Variants in TMEM170B observed in about 807,000 individuals in gnomAD.
TMEM170B encodes the protein transmembrane protein 170B.
A neutral mutation model predicts 13.0 loss-of-function variants in TMEM170B; 6 were observed. That is an observed-to-expected ratio of 0.46 (90% CI 0.25 to 0.91). TMEM170B has a LOEUF of 0.91. TMEM170B is among the 40% of genes least tolerant of loss of function. TMEM170B has a pLI of 0.17. For missense variants in TMEM170B, 138 were observed against 165.2 expected, an observed-to-expected ratio of 0.84 and a Z score of 0.90; for synonymous variants, 61 against 64.9, an observed-to-expected ratio of 0.94 and a Z score of 0.29.
rs1387793184 is a variant in TMEM170B, at chr6:11,578,721, A to G, written c.*3160A>G. On this transcript the variant is annotated 3_prime_UTR_variant, in exon 3 of 3. Coordinates refer to ENST00000379426, the MANE Select transcript of TMEM170B (RefSeq NM_001100829.3). ...CCCAATATACTTTCTTAGTATTTGC[A>G]GCATACATTTCACTGCTCAAAAAAG... The G allele has an allele frequency of 6.6e-6, 1 of 152,206 alleles. No individual in the cohort carries two copies. The highest frequency in any genetic ancestry group is 6.5e-5 in the Admixed American group (1 of 15,280). The allele number at this position is 152,206 out of a possible 1,614,324, so 9.4% of individuals were successfully genotyped here.
Position 11,579,578 on chromosome 6 carries a change from C to T in TMEM170B, c.*4017C>T, listed in dbSNP as rs564032279. 6.6e-6 allele frequency: 1 copy of T among 152,252 alleles called. No homozygotes were observed. Among genetic ancestry groups the T allele is most frequent in the African/African-American group, 2.4e-5 (1 of 41,552 alleles). 9.4% of individuals were successfully genotyped at this position (152,252 alleles called of 1,614,324 possible). A position where few individuals can be genotyped will look rare whatever the true frequency, so the allele number is the denominator to read the frequency against. ...GAAACTAAAAACGTTTTCTTATAAT[C>T]TTGCTTCATCTCCTTTTCACTTTTT... On this transcript the variant is annotated 3_prime_UTR_variant, in exon 3 of 3. Transcript: ENST00000379426.
chr6:11,571,586 C>T (rs535729237), intron 2 of TMEM170B, among the ~76,000 whole-genome samples: 11 of 151,808 alleles, frequency 7.2e-5, no homozygotes, highest in East Asian at 1.9e-4. Context: ...GTGGCAGATC[C>T]GCATGCGTTA....
chr6:11,557,361 A>G (rs138274604), intron 1 of TMEM170B, among the ~76,000 whole-genome samples: 315 of 152,356 alleles, frequency 2.1e-3, no homozygotes, highest in African/African-American at 7.0e-3. Flanking sequence ...TGCATTTAGG[A>G]AAAAATTGGG....
chr6:11,549,871 A>G (rs1759500870), intron 1 of TMEM170B, among the ~76,000 whole-genome samples: 1 of 152,168 alleles, frequency 6.6e-6, no homozygotes, highest in Non-Finnish European at 1.5e-5. Context: ...TTGTTGTAGT[A>G]GGACTTGAAA....
chr6:11,540,457 A>G (rs907083471), intron 1 of TMEM170B, among the ~76,000 whole-genome samples: 1 of 152,232 alleles, frequency 6.6e-6, no homozygotes, highest in African/African-American at 2.4e-5. Flanking sequence ...CTCATCCATA[A>G]GAAGCAACTC....
intron 1 of TMEM170B, among the ~76,000 whole-genome samples, chr6:11,545,581 C>G (rs1258237261): frequency 6.6e-6 from 1 of 152,040 alleles, no homozygotes; most frequent in African/African-American, 2.4e-5. Context: ...TATGGTGATG[C>G]TGGTGTCAAC....
chr6:11,544,970 T>C (rs1759413493), intron 1 of TMEM170B, among the ~76,000 whole-genome samples: 2 of 152,338 alleles, frequency 1.3e-5, no homozygotes, highest in South Asian at 4.1e-4. Flanking sequence ...GGCTTTACTT[T>C]TATTTTCTTT....
intron 2 of TMEM170B, among the ~76,000 whole-genome samples, chr6:11,570,728 T>C (rs1302212765): frequency 6.6e-6 from 1 of 152,136 alleles, no homozygotes; most frequent in African/African-American, 2.4e-5. Context: ...GAATAAAAGC[T>C]GTGCACAGCT....
rs1482349278 is a variant in TMEM170B, at chr6:11,580,673, A to AT, written c.*5113dup. The stretch of plus-strand genomic sequence containing the variant: ...TCTTTCTTAACTTCCCGTCCTTGTT[A>AT]TAACATCTTGGAAGAAGACTCTTCA... On this transcript the variant is annotated 3_prime_UTR_variant, in exon 3 of 3. Transcript: ENST00000379426. 6.6e-6 allele frequency: 1 copy of AT among 152,258 alleles called. No homozygotes were observed. Among genetic ancestry groups the AT allele is most frequent in the Non-Finnish European group, 1.5e-5 (1 of 68,034 alleles). The allele number at this position is 152,258 out of a possible 1,614,324, so 9.4% of individuals were successfully genotyped here.
Position 11,576,051 on chromosome 6 carries a change from T to C in TMEM170B, c.*490T>C, listed in dbSNP as rs1759870080. The C allele has an allele frequency of 6.5e-6, 1 of 153,048 alleles. No homozygotes were observed. Among genetic ancestry groups the C allele is most frequent in the Non-Finnish European group, 1.5e-5 (1 of 68,536 alleles). 9.5% of individuals were successfully genotyped at this position (153,048 alleles called of 1,614,324 possible). On this transcript the variant is annotated 3_prime_UTR_variant, in exon 3 of 3. Coordinates refer to ENST00000379426, the MANE Select transcript of TMEM170B (RefSeq NM_001100829.3). ...TTGTTCGGTAACACTAAATCCCGTATGAGTGCTAAATACTGAATTGTTTAA... is the reference window on the plus strand; with the variant it reads ...TTGTTCGGTAACACTAAATCCCGTACGAGTGCTAAATACTGAATTGTTTAA...
At chr6:11,564,586 T>TC (rs1402361157) in intron 1 of TMEM170B, among the ~76,000 whole-genome samples, 9 of 152,342 alleles carry the variant, frequency 5.9e-5, no homozygotes, top group Admixed American at 1.3e-4. Context: ...AGAATCCTTA[T>TC]CTGAATAGTT....
In TMEM170B at chr6:11,544,052, C is replaced by T. The variant is rs540977807; in HGVS notation, c.97+5678C>T. Reference sequence around the variant, plus strand: ...AAATATCACTCCATCAGTGAAGTGACATGGCTGAGATCAGTTATTTAATGA... The same window carrying T: ...AAATATCACTCCATCAGTGAAGTGATATGGCTGAGATCAGTTATTTAATGA... On this transcript the variant is annotated intron_variant, in intron 1 of 2. Coordinates refer to ENST00000379426, the MANE Select transcript of TMEM170B (RefSeq NM_001100829.3). Among the ~76,000 whole-genome samples, 255 of 152,278 alleles carry T rather than the reference C, an allele frequency of 1.7e-3. 3 individuals are homozygous for T. Among genetic ancestry groups the T allele is most frequent in the Admixed American group, 3.1e-3 (48 of 15,288 alleles).
At chr6:11,552,041 C>G (rs1042651636) in intron 1 of TMEM170B, among the ~76,000 whole-genome samples, 1 of 152,138 alleles carries the variant, frequency 6.6e-6, no homozygotes, top group African/African-American at 2.4e-5. Flanking sequence ...TGGAACTGTT[C>G]ATACAGATCC....
intron 2 of TMEM170B, among the ~76,000 whole-genome samples, chr6:11,570,344 T>C (rs1759783812): frequency 6.6e-6 from 1 of 152,094 alleles, no homozygotes; most frequent in Non-Finnish European, 1.5e-5. Context: ...GTCAGGTATA[T>C]GAAAGATTAA....
rs973996611 is a variant in TMEM170B at position 11,565,775 on chromosome 6, C to T, written c.207C>T (p.Val69=). The stretch of plus-strand genomic sequence containing the variant: ...TGCAGAGGCATAGGCAGGGAAGAGT[C>T]ATCTCTGTCATTGCAGTCAGCATTG... The part of the protein sequence containing the change: ...VMLQRHRQGR[V]ISVIAVSIGF... Residue 69 remains valine (V), a synonymous_variant, in exon 2 of 3, where the codon GTC becomes GTT. Transcript: ENST00000379426. 6.2e-7 allele frequency: 1 copy of T among 1,614,032 alleles called. No homozygotes were observed. The highest frequency in any genetic ancestry group is 8.5e-7 in the Non-Finnish European group (1 of 1,180,014).
At chr6:11,540,061 C>G (rs942692899) in intron 1 of TMEM170B, among the ~76,000 whole-genome samples, 1 of 152,192 alleles carries the variant, frequency 6.6e-6, no homozygotes, top group African/African-American at 2.4e-5. Context: ...TGAAAAATTG[C>G]TAACGATCAT....
chr6:11,563,431 A>G (rs1759696303), intron 1 of TMEM170B, among the ~76,000 whole-genome samples: 3 of 152,120 alleles, frequency 2.0e-5, no homozygotes, highest in African/African-American at 7.2e-5. Context: ...TGGGTGTCCT[A>G]CAGTTCAGTT....
chr6:11,545,600 T>A (rs1561906745), intron 1 of TMEM170B, among the ~76,000 whole-genome samples: 1 of 152,162 alleles, frequency 6.6e-6, no homozygotes, highest in East Asian at 1.9e-4. Context: ...ACAGACCTAC[T>A]GTACTGCCTG....
intron 2 of TMEM170B, among the ~76,000 whole-genome samples, chr6:11,566,180 A>ATATG (rs1404311223): frequency 6.6e-6 from 1 of 152,234 alleles, no homozygotes; most frequent in Non-Finnish European, 1.5e-5. Context: ...AGGCATAAAA[A>ATATG]TATGTCAGTG....
Sources: gnomAD v4.1 joint callset for allele counts (sites outside exome capture counted in the v4.1 genomes callset) on GRCh38, gnomAD v4.1.1 for gene constraint, MANE v1.5 for transcripts, NCBI Gene and HGNC (gene_info 2026-07-23, HGNC 2026-07-21) for gene names.